Variants in CTNNA2 observed in about 807,000 individuals in gnomAD.
CTNNA2 encodes catenin alpha-2.
A neutral mutation model predicts 101.0 loss-of-function variants in CTNNA2; 42 were observed. The observed-to-expected ratio is 0.42, with a 90% confidence interval of 0.32 to 0.54. The LOEUF is 0.54. Among genes scored for constraint, CTNNA2 ranks in the 20% least tolerant of loss-of-function variants. The probability of loss-of-function intolerance (pLI) is 0.14; values close to 1 mark genes in which losing one functional copy is unlikely to be tolerated. For synonymous variants in CTNNA2, 450 were observed against 456.4 expected (o/e 0.99, Z 0.18); for missense variants, 871 against 1,223.1 (o/e 0.71, Z 4.29).
rs994656347 is a variant in CTNNA2, at chr2:80,445,151, T to G, written c.1290+25550T>G. On this transcript the variant is annotated intron_variant, in intron 9 of 18. Transcript: ENST00000402739. ...GTTTTATGTTTGTCTCTTTGTGTTT[T>G]TTTGTTTGTTTGTTTGTTTTTAATT... 2.0e-5 allele frequency among the ~76,000 whole-genome samples: 3 copies of G among 152,178 alleles called. No homozygotes were observed. The Middle Eastern group carries it at 0.01, about 518-fold the overall frequency.
intron 7 of CTNNA2, chr2:80,162,347 T>C: frequency 1.8e-6 from 2 of 1,133,658 alleles, no homozygotes; most frequent in Non-Finnish European, 1.2e-6. Flanking sequence ...TGTGACAACT[T>C]GTAAAGCTGC....
At chr2:80,494,806 T>C (rs1306233857) in intron 9 of CTNNA2, among the ~76,000 whole-genome samples, 1 of 137,144 alleles carries the variant, frequency 7.3e-6, no homozygotes, top group Non-Finnish European at 1.6e-5. Context: ...CTTACTTAAC[T>C]CATTAATGAG....
intron 7 of CTNNA2, among the ~76,000 whole-genome samples, chr2:80,062,012 AG>A (rs1697631211): frequency 6.6e-6 from 1 of 152,244 alleles, no homozygotes; most frequent in African/African-American, 2.4e-5. Flanking sequence ...GTAAAATGAG[AG>A]GCTTTCAGCC....
At chr2:79,557,201 G>A (rs1362483236) in intron 1 of CTNNA2, among the ~76,000 whole-genome samples, 2 of 151,952 alleles carry the variant, frequency 1.3e-5, no homozygotes, top group South Asian at 2.1e-4. Context: ...TTAAATTATG[G>A]CAGAGTTATC....
At chr2:79,402,384 G>A (rs895099243) in intron 4 of CTNNA2, among the ~76,000 whole-genome samples, 2 of 151,750 alleles carry the variant, frequency 1.3e-5, no homozygotes, top group Non-Finnish European at 3.0e-5. Context: ...ATCTGCAGGG[G>A]ATGTGTCTCA....
rs1237577939 is a variant in CTNNA2 at position 80,390,271 on chromosome 2, T to C, written c.1057-2940T>C. Among the ~76,000 whole-genome samples, 4 of 152,216 alleles carry C rather than the reference T, an allele frequency of 2.6e-5. No homozygotes were observed. The East Asian group carries it at 7.7e-4, about 29-fold the overall frequency. ...CTCCCTCTTCTGAGCAACTCAGTCA[T>C]TGAGCGTGCTAATCTTTCTGCACAG... On this transcript the variant is annotated intron_variant, in intron 7 of 18. Coordinates refer to ENST00000402739, the MANE Select transcript of CTNNA2 (RefSeq NM_001282597.3).
chr2:79,492,254 A>G (rs1372922707), intron 4 of CTNNA2, among the ~76,000 whole-genome samples: 1 of 152,010 alleles, frequency 6.6e-6, no homozygotes, highest in Non-Finnish European at 1.5e-5. Context: ...TAATTAAGCT[A>G]TAAATTTACA....
chr2:80,397,863 A>G (rs1295092504), intron 8 of CTNNA2, among the ~76,000 whole-genome samples: 3 of 152,124 alleles, frequency 2.0e-5, no homozygotes, highest in African/African-American at 7.2e-5. Flanking sequence ...CGTAGAACCA[A>G]CATAAGCATG....
chr2:80,538,967 ATTATT>A (rs1480664802), intron 9 of CTNNA2, among the ~76,000 whole-genome samples: 1 of 151,958 alleles, frequency 6.6e-6, no homozygotes, highest in African/African-American at 2.4e-5. Context: ...ATTCCTAGGT[ATTATT>A]TTATTATCTT....
chr2:79,865,276 G>T (rs1051252570), intron 4 of CTNNA2, among the ~76,000 whole-genome samples: 1 of 152,134 alleles, frequency 6.6e-6, no homozygotes, highest in African/African-American at 2.4e-5. Context: ...GACACCAATG[G>T]CCATACCAGA....
chr2:80,329,779 T>G (rs1671156755), intron 7 of CTNNA2, among the ~76,000 whole-genome samples: 1 of 152,178 alleles, frequency 6.6e-6, no homozygotes, highest in Admixed American at 6.5e-5. Context: ...AAAGTGACTG[T>G]CCATAGGGGA....
At chr2:79,565,335 T>C (rs1675044134) in intron 1 of CTNNA2, among the ~76,000 whole-genome samples, 2 of 151,800 alleles carry the variant, frequency 1.3e-5, no homozygotes, top group South Asian at 4.2e-4. Context: ...TCAGGTACTA[T>C]CCAGGAAGAG....
intron 1 of CTNNA2, among the ~76,000 whole-genome samples, chr2:79,628,026 A>G (rs1232455296): frequency 1.3e-5 from 2 of 152,208 alleles, no homozygotes; most frequent in Admixed American, 6.5e-5. Flanking sequence ...AAGTATAGAT[A>G]GTCCATTTAT....
At chr2:80,467,139 T>C (rs1160165619) in intron 9 of CTNNA2, among the ~76,000 whole-genome samples, 1 of 152,198 alleles carries the variant, frequency 6.6e-6, no homozygotes, top group African/African-American at 2.4e-5. Context: ...AAAGAGGTTG[T>C]AAGTCCCACA....
intron 3 of CTNNA2, among the ~76,000 whole-genome samples, chr2:79,328,597 A>T (rs1256091171): frequency 6.6e-6 from 1 of 152,146 alleles, no homozygotes; most frequent in Admixed American, 6.5e-5. Flanking sequence ...GATCATGATG[A>T]TGATGAGGAT....
At chr2:80,517,202 C>A (rs559216624) in intron 9 of CTNNA2, among the ~76,000 whole-genome samples, 2 of 152,208 alleles carry the variant, frequency 1.3e-5, no homozygotes, top group African/African-American at 4.8e-5. Flanking sequence ...TGGAGGAAAG[C>A]ATTTGCACCC....
chr2:80,072,355 C>T (rs1418793517), intron 7 of CTNNA2, among the ~76,000 whole-genome samples: 1 of 152,088 alleles, frequency 6.6e-6, no homozygotes, highest in African/African-American at 2.4e-5. Context: ...GTTCCAAGCC[C>T]TGCTCTGGTT....
At chr2:80,438,324 A>T (rs1216602693) in intron 9 of CTNNA2, among the ~76,000 whole-genome samples, 1 of 152,154 alleles carries the variant, frequency 6.6e-6, no homozygotes, top group Non-Finnish European at 1.5e-5. Flanking sequence ...ATCTCCTAAT[A>T]CAATTATGGA....
intron 3 of CTNNA2, among the ~76,000 whole-genome samples, chr2:79,810,923 A>G (rs1247500622): frequency 1.3e-5 from 2 of 151,478 alleles, no homozygotes; most frequent in African/African-American, 4.9e-5. Context: ...AATCCAGTCT[A>G]TCATTGTTGG....
Sources: gnomAD v4.1 joint callset for allele counts (sites outside exome capture counted in the v4.1 genomes callset) on GRCh38, gnomAD v4.1.1 for gene constraint, MANE v1.5 for transcripts, NCBI Gene and HGNC (gene_info 2026-07-23, HGNC 2026-07-21) for gene names.